The following SGCD variants were observed in gnomAD, a reference collection of about 807,000 sequenced individuals.
SGCD encodes delta-sarcoglycan.
In SGCD, 18 loss-of-function variants were observed where a neutral mutation model predicts 36.6. The ratio of observed to expected loss-of-function variants is 0.49; its 90% CI spans 0.34 to 0.73. The LOEUF (loss-of-function observed/expected upper bound fraction) is 0.73, where lower values mean the gene tolerates loss of function less well. Among genes scored for constraint, SGCD ranks in the 30% least tolerant of loss-of-function variants. SGCD has a pLI of 0.01. For missense variants in SGCD, 387 were observed against 346.7 expected, an observed-to-expected ratio of 1.12 and a Z score of -0.92; for synonymous variants, 133 against 130.6, an observed-to-expected ratio of 1.02 and a Z score of -0.12.
At chr5:155,790,619 C>A in the SGCD span, among the ~76,000 whole-genome samples, 2 of 152,024 alleles carry the variant, frequency 1.3e-5, no homozygotes, top group African/African-American at 4.8e-5. Context: ...AAAGCATGAG[C>A]AATGTGGAAC....
chr5:156,682,064 G>A (rs1703656426), intron 7 of SGCD, among the ~76,000 whole-genome samples: 1 of 152,136 alleles, frequency 6.6e-6, no homozygotes, highest in Non-Finnish European at 1.5e-5. Flanking sequence ...TATAAAAAGG[G>A]TAAAAATTGA....
the SGCD span, among the ~76,000 whole-genome samples, chr5:155,750,649 A>G: frequency 4.4e-3 from 663 of 152,336 alleles, 4 homozygotes; most frequent in African/African-American, 0.014. Context: ...CATGCTTTAT[A>G]TCATAAAATA....
chr5:156,143,704 G>A (rs151304326), intron 3 of SGCD, among the ~76,000 whole-genome samples: 90 of 152,114 alleles, frequency 5.9e-4, no homozygotes, highest in African/African-American at 2.1e-3. Context: ...ACTTGCATAC[G>A]GCCTGCAGCC....
chr5:155,939,838 CTTTTT>C (rs78904259), intron 1 of SGCD, among the ~76,000 whole-genome samples: 1 of 139,790 alleles, frequency 7.2e-6, no homozygotes. Context: ...CCAAATGTCT[CTTTTT>C]TTTTTTTTTT....
At chr5:156,234,080 G>A (rs1438091957) in intron 3 of SGCD, among the ~76,000 whole-genome samples, 1 of 152,132 alleles carries the variant, frequency 6.6e-6, no homozygotes. Context: ...ATGGACTTTA[G>A]CTATTCTAAT....
chr5:155,934,927 A>G (rs867231223), intron 1 of SGCD, among the ~76,000 whole-genome samples: 2 of 152,228 alleles, frequency 1.3e-5, no homozygotes, highest in Non-Finnish European at 1.5e-5. Flanking sequence ...AAGTTCCTGC[A>G]GTAAGATGGA....
intron 3 of SGCD, among the ~76,000 whole-genome samples, chr5:156,481,802 G>A (rs1420221707): frequency 6.6e-6 from 1 of 152,184 alleles, no homozygotes; most frequent in Non-Finnish European, 1.5e-5. Context: ...CAGAACCCAG[G>A]ATCAGGGTCG....
chr5:155,819,189 T>C, the SGCD span, among the ~76,000 whole-genome samples: 1 of 152,228 alleles, frequency 6.6e-6, no homozygotes, highest in South Asian at 2.1e-4. Flanking sequence ...AAATCCCAAA[T>C]ATATTTTGAG....
At chr5:156,588,410 T>C (rs1230497912) in intron 4 of SGCD, among the ~76,000 whole-genome samples, 2 of 152,188 alleles carry the variant, frequency 1.3e-5, no homozygotes. Context: ...ACCCTCTTTG[T>C]TTACATATGG....
chr5:156,452,844 A>G (rs566131312), intron 3 of SGCD, among the ~76,000 whole-genome samples: 3 of 152,286 alleles, frequency 2.0e-5, no homozygotes, highest in African/African-American at 7.2e-5. Flanking sequence ...TATTTGTGCT[A>G]TCTCCCAAAT....
chr5:156,607,307 G>A (rs1023842195), intron 6 of SGCD, among the ~76,000 whole-genome samples: 12 of 152,184 alleles, frequency 7.9e-5, no homozygotes, highest in African/African-American at 2.9e-4. Flanking sequence ...AGATAGTCAT[G>A]TGGTTTTTGT....
chr5:156,467,833 T>C (rs970216321), intron 3 of SGCD, among the ~76,000 whole-genome samples: 1 of 152,218 alleles, frequency 6.6e-6, no homozygotes. Context: ...CTGTTCATAT[T>C]CTCTGGAAGC....
the SGCD span, among the ~76,000 whole-genome samples, chr5:155,783,444 G>A: frequency 6.6e-6 from 1 of 152,010 alleles, no homozygotes; most frequent in Non-Finnish European, 1.5e-5. Context: ...TGACCTGTGG[G>A]GCTTCTCTTG....
chr5:156,237,942 G>C (rs1302717690), intron 3 of SGCD, among the ~76,000 whole-genome samples: 1 of 151,540 alleles, frequency 6.6e-6, no homozygotes, highest in Non-Finnish European at 1.5e-5. Flanking sequence ...ATTAATAATG[G>C]ATAAGATGAT....
intron 3 of SGCD, among the ~76,000 whole-genome samples, chr5:156,414,949 G>A (rs1327763018): frequency 6.6e-6 from 1 of 152,136 alleles, no homozygotes; most frequent in Non-Finnish European, 1.5e-5. Context: ...GTCCTAATAA[G>A]TAATATTTAA....
chr5:156,611,576 T>C (rs2113462971), intron 6 of SGCD, among the ~76,000 whole-genome samples: 1 of 152,358 alleles, frequency 6.6e-6, no homozygotes, highest in South Asian at 2.1e-4. Flanking sequence ...TTGATTATAA[T>C]GTGCCTTGGA....
chr5:156,589,402 G>A, intron 5 of SGCD, 84 bp downstream of exon 5: 1 of 739,332 alleles, frequency 1.4e-6, no homozygotes, highest in Non-Finnish European at 2.4e-6. Flanking sequence ...AACACCATAT[G>A]AACCTGAAAA....
intron 1 of SGCD, among the ~76,000 whole-genome samples, chr5:155,920,505 G>C (rs1367329175): frequency 6.6e-6 from 1 of 152,146 alleles, no homozygotes; most frequent in Non-Finnish European, 1.5e-5. Context: ...AGATTTATTA[G>C]GGAGTTCTCA....
At chr5:156,068,187 A>T (rs1344011515) in intron 1 of SGCD, among the ~76,000 whole-genome samples, 2 of 151,622 alleles carry the variant, frequency 1.3e-5, no homozygotes, top group African/African-American at 4.9e-5. Flanking sequence ...TTAGTTACAT[A>T]TGTATACATG....
Sources: allele counts gnomAD v4.1 joint callset (sites outside exome capture counted in the v4.1 genomes callset), GRCh38; gene constraint gnomAD v4.1.1; transcripts MANE v1.5; gene names NCBI Gene and HGNC (gene_info 2026-07-23, HGNC 2026-07-21).